The following PTPN13 variants were observed in gnomAD, a reference collection of about 807,000 sequenced individuals.
PTPN13 encodes the protein protein tyrosine phosphatase non-receptor type 13.
Under a neutral mutation model 284.0 loss-of-function variants are expected in PTPN13, and 191 were observed. The observed-to-expected ratio is 0.67, with a 90% CI of 0.60 to 0.76. The LOEUF (loss-of-function observed/expected upper bound fraction) is 0.76, where lower values mean the gene tolerates loss of function less well. Ranked by LOEUF, PTPN13 falls within the 30% of genes least tolerant of loss-of-function variation. The pLI is 0.00. For missense variants in PTPN13, 2,797 were observed against 2,939.9 expected (o/e 0.95, Z 1.12); for synonymous variants, 986 against 1,022.3 (o/e 0.96, Z 0.68).
At chr4:86,711,900 C>T (rs1226275244) in intron 7 of PTPN13, among the ~76,000 whole-genome samples, 2 of 152,056 alleles carry the variant, frequency 1.3e-5, no homozygotes, top group Non-Finnish European at 2.9e-5. Flanking sequence ...CCTAATAGGT[C>T]CATTGCACAT....
chr4:86,759,181 C>T (rs1738374607), intron 23 of PTPN13, 108 bp downstream of exon 23: 1 of 1,128,200 alleles, frequency 8.9e-7, no homozygotes, highest in Admixed American at 2.7e-5. Flanking sequence ...ATTGATGCAA[C>T]TTAAGTAAAC....
chr4:86,678,257 G>A (rs1357259845), intron 3 of PTPN13, among the ~76,000 whole-genome samples: 4 of 152,068 alleles, frequency 2.6e-5, no homozygotes, highest in South Asian at 2.1e-4. Context: ...AGGAAATACC[G>A]AAAGAAAAGA....
chr4:86,759,195 G>A, intron 23 of PTPN13, 122 bp downstream of exon 23: 2 of 995,564 alleles, frequency 2.0e-6, no homozygotes, highest in Non-Finnish European at 2.9e-6. Flanking sequence ...AGTAAACTGT[G>A]ATTACTTAAT....
In PTPN13 at chr4:86,758,776, T is replaced by C; in HGVS notation, c.3412T>C (p.Leu1138=). Residue 1138 remains leucine (L), a synonymous_variant, in exon 22 of 48, where the codon TTG becomes CTG. Coordinates refer to ENST00000411767, the MANE Select transcript of PTPN13 (RefSeq NM_080683.3). ...AGGACCAGCTGACTTGGATGGATGC[T>C]TGAAGCCAGGTACTTTACATTTTGG... ...PGGPADLDGC[L]KPGDRLISVN... 1.2e-6 allele frequency: 2 copies of C among 1,613,476 alleles called. No homozygotes were observed. Among genetic ancestry groups the C allele is most frequent in the Non-Finnish European group, 1.7e-6 (2 of 1,179,546 alleles).
intron 2 of PTPN13, among the ~76,000 whole-genome samples, chr4:86,637,905 C>T (rs1228450017): frequency 4.7e-4 from 70 of 150,306 alleles, no homozygotes; most frequent in Admixed American, 9.3e-4. Context: ...TGTTTGCAGA[C>T]GACATGATTG....
At chr4:86,779,080 A>G (rs1165738287) in intron 35 of PTPN13, among the ~76,000 whole-genome samples, 1 of 151,350 alleles carries the variant, frequency 6.6e-6, no homozygotes, top group African/African-American at 2.4e-5. Flanking sequence ...AAAAAAAAAA[A>G]GATGACAAAG....
chr4:86,631,042 C>G (rs1035057437), intron 1 of PTPN13, among the ~76,000 whole-genome samples: 7 of 152,074 alleles, frequency 4.6e-5, no homozygotes, highest in East Asian at 1.9e-4. Context: ...CAAAAACTTT[C>G]TAGTTATCAT....
At chr4:86,766,043 G>A (rs745818854) in intron 26 of PTPN13, among the ~76,000 whole-genome samples, 4 of 152,114 alleles carry the variant, frequency 2.6e-5, no homozygotes, top group African/African-American at 9.7e-5. Flanking sequence ...GGCCAGGCTG[G>A]TCTCGAACTC....
chr4:86,630,017 T>C (rs935239288), intron 1 of PTPN13, among the ~76,000 whole-genome samples: 4 of 152,132 alleles, frequency 2.6e-5, no homozygotes, highest in Non-Finnish European at 5.9e-5. Context: ...CCTCTCACCT[T>C]GGCCTCCCAA....
intron 12 of PTPN13, among the ~76,000 whole-genome samples, chr4:86,733,559 C>G (rs1453599262): frequency 1.3e-5 from 2 of 151,862 alleles, no homozygotes; most frequent in Admixed American, 1.3e-4. Context: ...AATTATTGTG[C>G]CTTAAAAATG....
At chr4:86,686,003 A>G (rs1366092410) in intron 3 of PTPN13, among the ~76,000 whole-genome samples, 1 of 152,230 alleles carries the variant, frequency 6.6e-6, no homozygotes, top group Non-Finnish European at 1.5e-5. Context: ...ATGGAATTCT[A>G]TATACCATTT....
intron 3 of PTPN13, among the ~76,000 whole-genome samples, chr4:86,680,033 A>G (rs543009834): frequency 2.6e-5 from 4 of 152,322 alleles, no homozygotes; most frequent in South Asian, 4.1e-4. Context: ...TGCCTTATCT[A>G]TATGGTGTTA....
chr4:86,762,193 G>A (rs532129909), intron 23 of PTPN13, among the ~76,000 whole-genome samples: 4 of 152,200 alleles, frequency 2.6e-5, no homozygotes, highest in South Asian at 2.1e-4. Flanking sequence ...GGCTGGTCTC[G>A]AACTCCTGGC....
At chr4:86,797,855 A>G (rs992216930) in intron 41 of PTPN13, among the ~76,000 whole-genome samples, 5 of 152,076 alleles carry the variant, frequency 3.3e-5, no homozygotes, top group African/African-American at 1.2e-4. Context: ...TTTTTTTACA[A>G]AAATATATAT....
rs559320310 is a variant in PTPN13, at chr4:86,807,356, A to G, written c.6746-204A>G. 3.9e-5 allele frequency among the ~76,000 whole-genome samples: 6 copies of G among 152,368 alleles called. No individual in the cohort carries two copies. In the East Asian group the frequency reaches 9.6e-4, roughly 24 times the overall value. ...CAGAAACTCACTAAACTAACAGCTT[A>G]GATACTTGTAACATGAGCAAAAAGA... On this transcript the variant is annotated intron_variant, in intron 44 of 47. Transcript: ENST00000411767.
chr4:86,655,275 C>CCTGT (rs1319382411), intron 2 of PTPN13, among the ~76,000 whole-genome samples: 1 of 152,132 alleles, frequency 6.6e-6, no homozygotes, highest in African/African-American at 2.4e-5. Context: ...TGAATTTGAT[C>CCTGT]CTGTCATTAT....
intron 19 of PTPN13, 44 bp from the exon 20 acceptor site, chr4:86,752,965 T>C: frequency 7.1e-7 from 1 of 1,418,326 alleles, no homozygotes; most frequent in Non-Finnish European, 9.8e-7. Flanking sequence ...ATATCTAGCA[T>C]CTGACCATCT....
At chr4:86,700,750 A>G (rs1166809047) in intron 6 of PTPN13, among the ~76,000 whole-genome samples, 1 of 152,208 alleles carries the variant, frequency 6.6e-6, no homozygotes, top group South Asian at 2.1e-4. Context: ...TCCTATTTCC[A>G]TCCAGAATAT....
chr4:86,595,866 A>G (rs955089581), intron 1 of PTPN13: 2 of 584,492 alleles, frequency 3.4e-6, no homozygotes, highest in Non-Finnish European at 4.3e-6. Flanking sequence ...GTAAAAGTGC[A>G]TGTATTATGA....
Sources: gnomAD v4.1 joint callset for allele counts (sites outside exome capture counted in the v4.1 genomes callset) on GRCh38, gnomAD v4.1.1 for gene constraint, MANE v1.5 for transcripts, NCBI Gene and HGNC (gene_info 2026-07-23, HGNC 2026-07-21) for gene names.